DNAH11: variants seen among roughly 807,000 people sequenced by gnomAD.
DNAH11 encodes the protein axonemal beta dynein heavy chain 11.
DNAH11 carries 442 observed loss-of-function variants against 526.0 expected under a neutral mutation model. The ratio of observed to expected loss-of-function variants is 0.84; its 90% CI spans 0.78 to 0.91. The LOEUF is 0.91. Among genes scored for constraint, DNAH11 ranks in the 40% least tolerant of loss-of-function variants. DNAH11 has a pLI of 0.00. For missense variants in DNAH11, 6,989 were observed against 5,448.7 expected, an observed-to-expected ratio of 1.28 and a Z score of -8.90; for synonymous variants, 2,461 against 1,935.9, an observed-to-expected ratio of 1.27 and a Z score of -7.12.
chr7:21,852,546 C>A lies in DNAH11; in HGVS notation c.10976C>A (p.Ala3659Glu), dbSNP rs150631721. Residue 3659 changes from alanine to glutamate, a missense_variant, in exon 67 of 82, where the codon GCG becomes GAG. Coordinates refer to ENST00000409508, the MANE Select transcript of DNAH11 (RefSeq NM_001277115.2). ...LEDDLLLRLS[A>E]AEGSFLDDTK... Reference sequence around the variant, plus strand: ...GACGATCTCCTTTTGCGCCTTTCTGCGGCAGAGGGAAGCTTTCTGGATGAC... The same window carrying A: ...GACGATCTCCTTTTGCGCCTTTCTGAGGCAGAGGGAAGCTTTCTGGATGAC... 5 of 1,612,606 alleles carry A rather than the reference C, an allele frequency of 3.1e-6. No homozygotes were observed. The highest frequency in any genetic ancestry group is 4.2e-6 in the Non-Finnish European group (5 of 1,179,410).
intron 28 of DNAH11, among the ~76,000 whole-genome samples, chr7:21,639,999 T>C (rs1267195265): frequency 6.6e-6 from 1 of 152,214 alleles, no homozygotes; most frequent in Non-Finnish European, 1.5e-5. Context: ...TAATTATTTC[T>C]CTCTTGTTCA....
At chr7:21,742,591 C>G (rs1298678631) in intron 49 of DNAH11, among the ~76,000 whole-genome samples, 1 of 152,188 alleles carries the variant, frequency 6.6e-6, no homozygotes, top group Admixed American at 6.5e-5. Flanking sequence ...ACCTCCAACA[C>G]TGGGAATCGC....
Position 21,868,922 on chromosome 7 carries a change from A to G in DNAH11, c.11898A>G (p.Gln3966=), listed in dbSNP as rs1783390477. Residue 3966 remains glutamine, a synonymous_variant, in exon 73 of 82, where the codon CAA becomes CAG. Coordinates refer to ENST00000409508, the MANE Select transcript of DNAH11 (RefSeq NM_001277115.2). ...AATTCCACAATGTGTCTTTAGGACA[A>G]GGTCAGGAGACGGTGGCAGAAGTGG... The part of the protein sequence containing the change: ...SGKFHNVSLG[Q]GQETVAEVAL... 1.2e-6 allele frequency: 2 copies of G among 1,613,916 alleles called. No homozygotes were observed. The highest frequency in any genetic ancestry group is 1.7e-5 in the Admixed American group (1 of 60,000).
rs1399548328 is a variant in DNAH11, at chr7:21,543,644, AG to A, written c.351+52del. The A allele has an allele frequency of 2.0e-6, 3 of 1,535,102 alleles. No individual in the cohort carries two copies. The African/African-American group carries it at 4.1e-5, about 21-fold the overall frequency. ...ACCTGCCCATCCAACAAAACTACCC[AG>A]GGGAGACAGCCCAGTCGCTCCCCTT... On this transcript the variant is annotated intron_variant, in intron 1 of 81. Coordinates refer to ENST00000409508, the MANE Select transcript of DNAH11 (RefSeq NM_001277115.2).
intron 54 of DNAH11, among the ~76,000 whole-genome samples, chr7:21,756,395 C>G (rs1786643196): frequency 1.3e-5 from 2 of 151,962 alleles, no homozygotes; most frequent in South Asian, 4.1e-4. Context: ...GCATAATTGC[C>G]ACACTGCATA....
intron 54 of DNAH11, among the ~76,000 whole-genome samples, chr7:21,764,633 G>A (rs1787090965): frequency 6.6e-6 from 1 of 152,176 alleles, no homozygotes; most frequent in African/African-American, 2.4e-5. Flanking sequence ...TGAACCCTCT[G>A]AAGCACACAG....
intron 65 of DNAH11, among the ~76,000 whole-genome samples, chr7:21,825,184 T>C (rs549134421): frequency 5.7e-4 from 87 of 152,316 alleles, no homozygotes; most frequent in African/African-American, 2.1e-3. Flanking sequence ...TACTGTGATA[T>C]TCAATGATAT....
At chr7:21,883,271 G>A (rs369312456) in intron 75 of DNAH11, among the ~76,000 whole-genome samples, 8 of 152,300 alleles carry the variant, frequency 5.3e-5, no homozygotes, top group African/African-American at 9.6e-5. Flanking sequence ...TACTGCCCCC[G>A]AAGGTGTAAA....
In DNAH11 at chr7:21,658,970, T is replaced by A. The variant is rs1379588342; in HGVS notation, c.5267T>A (p.Ile1756Lys). 1 of 1,610,362 alleles carries A rather than the reference T, an allele frequency of 6.2e-7. No individual in the cohort carries two copies. Residue 1756 changes from isoleucine to lysine, a missense_variant, in exon 30 of 82, where the codon ATA (isoleucine) becomes AAA (lysine). Coordinates refer to ENST00000409508, the MANE Select transcript of DNAH11 (RefSeq NM_001277115.2). ...ATATGGTGGACCACAGATGTAGGAATAGCCTTCAGTAGACTGGAAGAAGGC... is the reference window on the plus strand; with the variant it reads ...ATATGGTGGACCACAGATGTAGGAAAAGCCTTCAGTAGACTGGAAGAAGGC... ...SQIWWTTDVG[I>K]AFSRLEEGYE... is the part of the protein sequence containing the mutation.
chr7:21,559,436 C>T (rs1337838792), intron 3 of DNAH11, among the ~76,000 whole-genome samples, 167 bp from the exon 4 acceptor site: 1 of 152,024 alleles, frequency 6.6e-6, no homozygotes, highest in Non-Finnish European at 1.5e-5. Flanking sequence ...ATGTCACTGA[C>T]AGAATAACGT....
chr7:21,595,639 T>C (rs1383970681), intron 14 of DNAH11, among the ~76,000 whole-genome samples: 2 of 151,496 alleles, frequency 1.3e-5, no homozygotes, highest in Non-Finnish European at 2.9e-5. Flanking sequence ...AAGATTTCAG[T>C]TTTGGGCATT....
rs143793134 is a variant in DNAH11 at position 21,722,169 on chromosome 7, A to G, written c.7266+1313A>G. Among the ~76,000 whole-genome samples the G allele has an allele frequency of 2.5e-3, 385 of 152,234 alleles. 1 individual carries two copies. Among genetic ancestry groups the G allele is most frequent in the African/African-American group, 8.8e-3 (365 of 41,544 alleles). On this transcript the variant is annotated intron_variant, in intron 44 of 81. Coordinates refer to ENST00000409508, the MANE Select transcript of DNAH11 (RefSeq NM_001277115.2). ...TAATTTTTCTCATGTGATCTTTACA[A>G]TGGTTCTTCAAGGTATCCTCATTGC...
Position 21,543,353 on chromosome 7 carries a change from G to T in DNAH11, c.108G>T (p.Glu36Asp). 7 of 1,307,936 alleles carry T rather than the reference G, an allele frequency of 5.4e-6. No individual in the cohort carries two copies. The highest frequency in any genetic ancestry group is 6.3e-6 in the Non-Finnish European group (6 of 956,262). The allele number at this position is 1,307,936 out of a possible 1,614,324, so 81.0% of individuals were successfully genotyped here. ...AGGCAGTGGGCGCTGTGGAGCTCGA[G>T]GAGGAGGAGGAGAACGAGGAGGAGG... The part of the protein sequence containing the change: ...GLEAVGAVEL[E>D]EEEENEEEAA... Residue 36 changes from glutamate (E) to aspartate (D), a missense_variant, in exon 1 of 82, where the codon GAG becomes GAT. Coordinates refer to ENST00000409508, the MANE Select transcript of DNAH11 (RefSeq NM_001277115.2).
chr7:21,802,805 A>G (rs1789053577), intron 62 of DNAH11, among the ~76,000 whole-genome samples: 2 of 151,942 alleles, frequency 1.3e-5, no homozygotes, highest in Non-Finnish European at 2.9e-5. Flanking sequence ...TATAGACGCA[A>G]AATAGACTAA....
chr7:21,788,829 T>A (rs1443085997), intron 60 of DNAH11, among the ~76,000 whole-genome samples: 3 of 152,226 alleles, frequency 2.0e-5, no homozygotes, highest in Non-Finnish European at 4.4e-5. Flanking sequence ...ATCTTCACAT[T>A]TTATGACAAA....
At chr7:21,683,228 A>G (rs1783213940) in intron 31 of DNAH11, among the ~76,000 whole-genome samples, 1 of 152,234 alleles carries the variant, frequency 6.6e-6, no homozygotes, top group Non-Finnish European at 1.5e-5. Flanking sequence ...GGTCACATTT[A>G]TCTTGAAAGA....
At chr7:21,595,434 A>G (rs562344143) in intron 14 of DNAH11, among the ~76,000 whole-genome samples, 1 of 152,378 alleles carries the variant, frequency 6.6e-6, no homozygotes, top group South Asian at 2.1e-4. Context: ...GAAAGTGATT[A>G]GAAGTAGTTG....
At chr7:21,683,670 G>C in intron 31 of DNAH11, 114 bp from the exon 32 acceptor site, 5 of 1,201,696 alleles carry the variant, frequency 4.2e-6, no homozygotes, top group Non-Finnish European at 5.6e-6. Flanking sequence ...GCGTGCAAGA[G>C]ATTTCCTATT....
rs1250194411 is a variant in DNAH11, at chr7:21,872,128, A to AAAAAAAAAAAAAC, written c.11968-1134_11968-1133insCAAAAAAAAAAAA. On this transcript the variant is annotated intron_variant, in intron 73 of 81. Transcript: ENST00000409508. ...GACAGAGCGAGACTCTGTCTCAAAA[A>AAAAAAAAAAAAAC]AAAAAAAAAAAAAAAAAAAAACCTT... 1.9e-4 allele frequency among the ~76,000 whole-genome samples: 26 copies of AAAAAAAAAAAAAC among 137,988 alleles called. 4 individuals carry two copies. The highest frequency in any genetic ancestry group is 3.6e-4 in the Non-Finnish European group (23 of 64,126). 90.5% of individuals were successfully genotyped at this position (137,988 alleles called of 152,430 possible).
Sources: gnomAD v4.1 joint callset for allele counts (sites outside exome capture counted in the v4.1 genomes callset) on GRCh38, gnomAD v4.1.1 for gene constraint, MANE v1.5 for transcripts, NCBI Gene and HGNC (gene_info 2026-07-23, HGNC 2026-07-21) for gene names.